The following FAM114A1 variants were observed in gnomAD, a reference collection of about 807,000 sequenced individuals.
FAM114A1 encodes the protein family with sequence similarity 114 member A1, also known as protein NOXP20.
In FAM114A1, 62 loss-of-function variants were observed where a neutral mutation model predicts 64.3. The observed-to-expected ratio is 0.96, with a 90% CI of 0.79 to 1.19. The LOEUF (loss-of-function observed/expected upper bound fraction) is 1.19. Among genes scored for constraint, FAM114A1 ranks in the 50% most tolerant of loss-of-function variants. The pLI, the probability that FAM114A1 is intolerant of heterozygous loss-of-function variation, is 0.00. For missense variants in FAM114A1, 645 were observed against 676.3 expected (o/e 0.95, Z 0.51); for synonymous variants, 254 against 251.1 (o/e 1.01, Z -0.11).
intron 3 of FAM114A1, among the ~76,000 whole-genome samples, chr4:38,879,142 G>A (rs1183812722): frequency 4.6e-5 from 7 of 152,082 alleles, no homozygotes; most frequent in African/African-American, 1.7e-4. Context: ...AGCCATGTGG[G>A]GCCGGGCAGG....
chr4:38,886,138 A>G lies in FAM114A1; in HGVS notation c.349-5605A>G, dbSNP rs1487419201. Among the ~76,000 whole-genome samples, 3 of 150,948 alleles carry G rather than the reference A, an allele frequency of 2.0e-5. No homozygotes were observed. In the East Asian group the frequency reaches 5.9e-4, roughly 29 times the overall value. Reference sequence around the variant, plus strand: ...ACAGGAGTCTTGCTGTGGAGGGAGGATGGACAAGGGAGGTGAATACAGAAG... The same window carrying G: ...ACAGGAGTCTTGCTGTGGAGGGAGGGTGGACAAGGGAGGTGAATACAGAAG... On this transcript the variant is annotated intron_variant, in intron 3 of 14. Coordinates refer to ENST00000358869, the MANE Select transcript of FAM114A1 (RefSeq NM_138389.4).
intron 1 of FAM114A1, chr4:38,868,068 T>TGTGA (rs1015543190): frequency 2.4e-6 from 1 of 414,918 alleles, no homozygotes; most frequent in Admixed American, 2.6e-5. Context: ...AGTGTGTGTG[T>TGTGA]GTGAGTGTGT....
intron 9 of FAM114A1, among the ~76,000 whole-genome samples, chr4:38,926,382 C>T (rs1385559546): frequency 6.6e-6 from 1 of 152,216 alleles, no homozygotes; most frequent in Non-Finnish European, 1.5e-5. Context: ...AGACCAAGAC[C>T]TCTGCCCAGC....
intron 7 of FAM114A1, among the ~76,000 whole-genome samples, chr4:38,912,988 G>GA (rs774442745): frequency 6.6e-6 from 1 of 152,204 alleles, no homozygotes; most frequent in Non-Finnish European, 1.5e-5. Flanking sequence ...ACAGGAGAGA[G>GA]AATTCTCTTT....
chr4:38,896,738 T>A (rs1716978850), intron 4 of FAM114A1, among the ~76,000 whole-genome samples: 1 of 152,218 alleles, frequency 6.6e-6, no homozygotes, highest in Non-Finnish European at 1.5e-5. Flanking sequence ...ACCCCAGGGC[T>A]TTACAGCATT....
chr4:38,869,425 G>A (rs945540007), intron 2 of FAM114A1, among the ~76,000 whole-genome samples: 1 of 152,224 alleles, frequency 6.6e-6, no homozygotes, highest in African/African-American at 2.4e-5. Flanking sequence ...GAGTTATGGG[G>A]AATGGAGAAA....
chr4:38,914,285 C>A (rs1718832202), intron 7 of FAM114A1, among the ~76,000 whole-genome samples: 1 of 151,990 alleles, frequency 6.6e-6, no homozygotes, highest in Admixed American at 6.6e-5. Flanking sequence ...AGAAATTTGG[C>A]CGGGTGCAGT....
At chr4:38,888,410 C>G (rs1037820150) in intron 3 of FAM114A1, among the ~76,000 whole-genome samples, 2 of 152,032 alleles carry the variant, frequency 1.3e-5, no homozygotes, top group East Asian at 3.9e-4. Context: ...GTAATCTCAG[C>G]TACTTGGGAG....
intron 3 of FAM114A1, 141 bp downstream of exon 3, chr4:38,878,567 G>A (rs1579294797): frequency 1.5e-6 from 1 of 664,476 alleles, no homozygotes. Context: ...GAAATGTGTA[G>A]TGAGATTAGA....
chr4:38,870,612 T>G (rs1713954361), intron 2 of FAM114A1, among the ~76,000 whole-genome samples: 2 of 152,204 alleles, frequency 1.3e-5, no homozygotes, highest in South Asian at 4.1e-4. Context: ...CCTTAGAGTT[T>G]CCTGAAGCAG....
At chr4:38,931,347 C>A in intron 10 of FAM114A1, 104 bp from the exon 11 acceptor site, 1 of 1,327,422 alleles carries the variant, frequency 7.5e-7, no homozygotes, top group Non-Finnish European at 1.0e-6. Flanking sequence ...TACAGAGATC[C>A]ATTCTTGAAG....
At chr4:38,911,424 AT>A (rs770157066) in intron 7 of FAM114A1, among the ~76,000 whole-genome samples, 1 of 152,218 alleles carries the variant, frequency 6.6e-6, no homozygotes. Flanking sequence ...GAAGTCCAGC[AT>A]TTATGCTCCC....
intron 2 of FAM114A1, among the ~76,000 whole-genome samples, chr4:38,872,357 G>C (rs187570165): frequency 6.6e-6 from 1 of 152,336 alleles, no homozygotes; most frequent in African/African-American, 2.4e-5. Context: ...AACAACACAT[G>C]AGGGCAAGGC....
At chr4:38,911,737 G>A (rs7661444) in intron 7 of FAM114A1, among the ~76,000 whole-genome samples, 5 of 151,198 alleles carry the variant, frequency 3.3e-5, no homozygotes. Context: ...ATATAACTAT[G>A]GAAACTAGAA....
At chr4:38,924,297 A>G (rs28416405) in intron 9 of FAM114A1, among the ~76,000 whole-genome samples, 30,594 of 152,140 alleles carry the variant, frequency 0.2, 3,225 homozygotes, top group Middle Eastern at 0.3. Context: ...TGCGAACACA[A>G]TGCCAGGAAA....
chr4:38,900,443 A>G (rs559688130), intron 4 of FAM114A1, among the ~76,000 whole-genome samples: 1 of 152,316 alleles, frequency 6.6e-6, no homozygotes, highest in African/African-American at 2.4e-5. Context: ...ATATTTGTAC[A>G]CCCATGATCA....
intron 7 of FAM114A1, among the ~76,000 whole-genome samples, chr4:38,912,236 T>C (rs1718624637): frequency 6.6e-6 from 1 of 152,094 alleles, no homozygotes; most frequent in Non-Finnish European, 1.5e-5. Flanking sequence ...CTCCATAGCT[T>C]CTCTGTGTCA....
intron 4 of FAM114A1, among the ~76,000 whole-genome samples, chr4:38,900,738 TAGA>T (rs1479833944): frequency 1.3e-5 from 2 of 152,156 alleles, no homozygotes; most frequent in African/African-American, 2.4e-5. Context: ...TACTGGAATG[TAGA>T]ATGATGGTTG....
intron 14 of FAM114A1, among the ~76,000 whole-genome samples, chr4:38,943,065 C>T (rs1030835808): frequency 8.6e-5 from 13 of 151,988 alleles, no homozygotes; most frequent in African/African-American, 2.4e-4. Context: ...TGGTGGTGCA[C>T]GCCCGTAGTC....
Sources: allele counts gnomAD v4.1 joint callset (sites outside exome capture counted in the v4.1 genomes callset), GRCh38; gene constraint gnomAD v4.1.1; transcripts MANE v1.5; gene names NCBI Gene and HGNC (gene_info 2026-07-23, HGNC 2026-07-21).